Variants in ERBB4 observed in about 807,000 individuals in gnomAD.
ERBB4 encodes the protein receptor tyrosine-protein kinase erbB-4.
In ERBB4, 42 loss-of-function variants were observed where a neutral mutation model predicts 158.0. The ratio of observed to expected loss-of-function variants is 0.27; its 90% confidence interval spans 0.21 to 0.34. The LOEUF is 0.34. Among genes scored for constraint, ERBB4 ranks in the 10% least tolerant of loss-of-function variants. The probability of loss-of-function intolerance (pLI) is 1.00; values close to 1 mark genes in which losing one functional copy is unlikely to be tolerated. For synonymous variants in ERBB4, 583 were observed against 558.7 expected (o/e 1.04, Z -0.61); for missense variants, 1,333 against 1,624.1 (o/e 0.82, Z 3.08).
chr2:211,437,515 G>T (rs1304769767), intron 20 of ERBB4, among the ~76,000 whole-genome samples: 1 of 152,080 alleles, frequency 6.6e-6, no homozygotes, highest in Non-Finnish European at 1.5e-5. Context: ...CAACAATCTG[G>T]CAAAAAGCAT....
chr2:211,400,392 C>T (rs1471195100), intron 25 of ERBB4, among the ~76,000 whole-genome samples: 1 of 152,034 alleles, frequency 6.6e-6, no homozygotes, highest in East Asian at 1.9e-4. Flanking sequence ...ATGCTGCCTT[C>T]CAAATAAGCA....
chr2:211,631,576 A>G (rs938583874), intron 16 of ERBB4, among the ~76,000 whole-genome samples: 1 of 152,218 alleles, frequency 6.6e-6, no homozygotes, highest in Non-Finnish European at 1.5e-5. Context: ...TAGCAAAGAT[A>G]TAATTTTGAA....
chr2:211,973,480 C>A (rs1264356472), intron 2 of ERBB4, among the ~76,000 whole-genome samples: 1 of 152,168 alleles, frequency 6.6e-6, no homozygotes, highest in East Asian at 1.9e-4. Context: ...GGATTAAAGG[C>A]ATGAGCCACC....
intron 4 of ERBB4, among the ~76,000 whole-genome samples, chr2:211,769,527 T>C (rs2075639176): frequency 6.6e-6 from 1 of 152,186 alleles, no homozygotes; most frequent in Admixed American, 6.5e-5. Flanking sequence ...GAAGGAAAAT[T>C]GACTCACAGG....
chr2:211,606,948 C>A (rs1178114241), intron 19 of ERBB4, among the ~76,000 whole-genome samples: 1 of 152,100 alleles, frequency 6.6e-6, no homozygotes, highest in African/African-American at 2.4e-5. Flanking sequence ...ACACATGTTT[C>A]CTATGGTGAA....
At chr2:211,415,252 G>T (rs2063362430) in intron 25 of ERBB4, among the ~76,000 whole-genome samples, 1 of 151,650 alleles carries the variant, frequency 6.6e-6, no homozygotes, top group African/African-American at 2.4e-5. Context: ...GAGTAGCCGG[G>T]ACCACAGGCG....
intron 16 of ERBB4, among the ~76,000 whole-genome samples, chr2:211,631,301 A>G (rs1285058041): frequency 6.6e-6 from 1 of 152,164 alleles, no homozygotes; most frequent in African/African-American, 2.4e-5. Flanking sequence ...TAAGAGAGTT[A>G]TTATTGCCCA....
intron 3 of ERBB4, among the ~76,000 whole-genome samples, chr2:211,882,019 G>C (rs2078677933): frequency 6.6e-6 from 1 of 152,064 alleles, no homozygotes; most frequent in Non-Finnish European, 1.5e-5. Flanking sequence ...CAAATCTTTA[G>C]CAGAAAAATA....
At chr2:211,875,201 T>G (rs548637980) in intron 3 of ERBB4, among the ~76,000 whole-genome samples, 1 of 152,012 alleles carries the variant, frequency 6.6e-6, no homozygotes, top group Admixed American at 6.6e-5. Flanking sequence ...ATATCATTAA[T>G]AAAATACCAT....
chr2:211,690,660 G>C (rs1354884599), intron 12 of ERBB4, among the ~76,000 whole-genome samples: 1 of 152,092 alleles, frequency 6.6e-6, no homozygotes, highest in Non-Finnish European at 1.5e-5. Flanking sequence ...TCTCCACATA[G>C]CATAGAACAA....
intron 1 of ERBB4, among the ~76,000 whole-genome samples, chr2:212,416,106 G>A (rs1002069855): frequency 9.9e-5 from 15 of 152,072 alleles, no homozygotes; most frequent in African/African-American, 3.4e-4. Flanking sequence ...CTATTGACTC[G>A]CATTTGTATT....
At chr2:212,145,846 C>A (rs2080652102) in intron 1 of ERBB4, among the ~76,000 whole-genome samples, 1 of 150,488 alleles carries the variant, frequency 6.6e-6, no homozygotes, top group Non-Finnish European at 1.5e-5. Flanking sequence ...TGTCTATTAT[C>A]TCTCACTTTC....
intron 1 of ERBB4, among the ~76,000 whole-genome samples, chr2:212,165,242 T>C (rs1375978440): frequency 6.6e-6 from 1 of 151,910 alleles, no homozygotes; most frequent in Admixed American, 6.6e-5. Flanking sequence ...TTTCTTTACT[T>C]AGAGTTTTTG....
At chr2:211,421,981 T>C (rs774689683) in intron 24 of ERBB4, 26 bp downstream of exon 24, 1 of 1,464,336 alleles carries the variant, frequency 6.8e-7, no homozygotes, top group South Asian at 1.1e-5. Context: ...GGCCTAGTCT[T>C]AAAGGCATAA....
chr2:211,903,291 A>AT (rs1218797838), intron 3 of ERBB4, among the ~76,000 whole-genome samples: 1 of 152,108 alleles, frequency 6.6e-6, no homozygotes, highest in Non-Finnish European at 1.5e-5. Context: ...ATAATGTTAA[A>AT]TTAAATATCA....
chr2:211,829,590 CT>C (rs531743513), intron 3 of ERBB4, among the ~76,000 whole-genome samples: 1 of 152,052 alleles, frequency 6.6e-6, no homozygotes, highest in Non-Finnish European at 1.5e-5. Flanking sequence ...CTAGGACATA[CT>C]TTTTAAAGGA....
At chr2:212,441,880 G>A (rs549499404) in intron 1 of ERBB4, among the ~76,000 whole-genome samples, 1 of 152,326 alleles carries the variant, frequency 6.6e-6, no homozygotes, top group South Asian at 2.1e-4. Context: ...TCCCAGCTAG[G>A]AGGGTCCAGA....
chr2:212,318,670 G>A (rs543595747), intron 1 of ERBB4, among the ~76,000 whole-genome samples: 70 of 151,720 alleles, frequency 4.6e-4, no homozygotes, highest in Middle Eastern at 6.8e-3. Context: ...CAGTGGATTG[G>A]AGTTGAGAGA....
At chr2:211,736,666 C>G (rs2074611967) in intron 5 of ERBB4, among the ~76,000 whole-genome samples, 1 of 152,108 alleles carries the variant, frequency 6.6e-6, no homozygotes, top group Non-Finnish European at 1.5e-5. Context: ...AATCACTGCA[C>G]AATACAGCCT....
Sources: gnomAD v4.1 joint callset for allele counts (sites outside exome capture counted in the v4.1 genomes callset) on GRCh38, gnomAD v4.1.1 for gene constraint, MANE v1.5 for transcripts, NCBI Gene and HGNC (gene_info 2026-07-23, HGNC 2026-07-21) for gene names.